Variants in SLC29A4 observed in about 807,000 individuals in gnomAD.
The protein encoded by SLC29A4 is solute carrier family 29 member 4.
Under a neutral mutation model 43.9 loss-of-function variants are expected in SLC29A4, and 36 were observed. The observed-to-expected ratio is 0.82, with a 90% confidence interval of 0.63 to 1.08. SLC29A4 has a LOEUF of 1.08. SLC29A4 is among the 50% of genes least tolerant of loss of function. The probability of loss-of-function intolerance (pLI) is 0.00; values close to 1 mark genes in which losing one functional copy is unlikely to be tolerated. For synonymous variants in SLC29A4, 491 were observed against 338.0 expected (o/e 1.45, Z -4.97); for missense variants, 869 against 755.3 (o/e 1.15, Z -1.77).
chr7:5,284,381 C>T (rs116664084), intron 1 of SLC29A4, among the ~76,000 whole-genome samples: 3,869 of 152,282 alleles, frequency 0.025, 194 homozygotes, highest in African/African-American at 0.088. Context: ...TTGTGACGTA[C>T]TCTCACCCTC....
chr7:5,302,512 C>T (rs1051782148), intron 10 of SLC29A4, among the ~76,000 whole-genome samples: 55 of 152,258 alleles, frequency 3.6e-4, no homozygotes, highest in African/African-American at 9.9e-4. Flanking sequence ...CACTGCACTC[C>T]GGTCTGGGCA....
rs751815292 is a variant in SLC29A4 at position 5,290,732 on chromosome 7, C to T, written c.170C>T (p.Thr57Ile). ...ARGVPAFTDTTLDEPVPDDRY... is the reference protein window; with the variant it reads ...ARGVPAFTDTILDEPVPDDRY... ...TCTCACCTGGTGTCTCTGGCTTTAG[C>T]ATTGGACGAGCCAGTGCCCGATGAC... The change falls in exon 3 of 11, where the codon ACA (threonine) becomes ATA (isoleucine). Residue 57 changes from threonine (T) to isoleucine (I), a missense_variant and splice_region_variant. Coordinates refer to ENST00000396872, the MANE Select transcript of SLC29A4 (RefSeq NM_153247.4). 1.7e-5 allele frequency: 27 copies of T among 1,607,854 alleles called. No homozygotes were observed. The highest frequency in any genetic ancestry group is 2.2e-5 in the Non-Finnish European group (26 of 1,175,684).
chr7:5,300,403 C>G lies in SLC29A4; in HGVS notation c.1210-19C>G, dbSNP rs780237509. On this transcript the variant is annotated intron_variant, in intron 9 of 10. Transcript: ENST00000396872. ...GGCTGTGGCCGGGACAGGGCGCCCA[C>G]TTGCCTGGCTCTCTGCAGATCCTGG... 4 of 1,610,714 alleles carry G rather than the reference C, an allele frequency of 2.5e-6. No homozygotes were observed. Among genetic ancestry groups the G allele is most frequent in the Non-Finnish European group, 2.5e-6 (3 of 1,179,624 alleles).
intron 5 of SLC29A4, among the ~76,000 whole-genome samples, chr7:5,294,107 A>G (rs979792431): frequency 1.4e-4 from 13 of 90,652 alleles, no homozygotes; most frequent in African/African-American, 2.0e-4. Flanking sequence ...CTCTATCTGG[A>G]AAAAAAAAAA....
intron 1 of SLC29A4, among the ~76,000 whole-genome samples, chr7:5,283,467 C>CTCCG (rs1460409100): frequency 1.3e-5 from 2 of 152,134 alleles, no homozygotes; most frequent in African/African-American, 4.8e-5. Flanking sequence ...GGGGCCTGGG[C>CTCCG]TCCGGGGTCA....
At chr7:5,289,351 C>T (rs1382671512) in intron 2 of SLC29A4, among the ~76,000 whole-genome samples, 5 of 152,018 alleles carry the variant, frequency 3.3e-5, no homozygotes, top group Admixed American at 6.6e-5. Flanking sequence ...GAGCCAAGGT[C>T]ATGCCACTGC....
At chr7:5,284,922 A>T (rs1171491873) in intron 1 of SLC29A4, among the ~76,000 whole-genome samples, 1 of 152,188 alleles carries the variant, frequency 6.6e-6, no homozygotes, top group Non-Finnish European at 1.5e-5. Context: ...AGGGCACTGC[A>T]CGTCCAGGGA....
chr7:5,292,260 G>A (rs1360244028), intron 5 of SLC29A4, among the ~76,000 whole-genome samples: 1 of 152,072 alleles, frequency 6.6e-6, no homozygotes, highest in African/African-American at 2.4e-5. Context: ...TCAGGCACAT[G>A]CCACCAAGCC....
Position 5,306,563 on chromosome 7 carries a change from ACTTCAAGTGATCCGCCTGCCTTGG to A in SLC29A4, c.*3626_*3649del, listed in dbSNP as rs1786519191. 1.3e-5 allele frequency: 2 copies of A among 151,690 alleles called. No homozygotes were observed. The highest frequency in any genetic ancestry group is 4.8e-5 in the African/African-American group (2 of 41,290). 9.4% of individuals were successfully genotyped at this position (151,690 alleles called of 1,614,324 possible). The stretch of plus-strand genomic sequence containing the variant: ...TGGCCAGGCTGGTCTCGAACTCCTG[ACTTCAAGTGATCCGCCTGCCTTGG>A]CCTCCCAAAGTGCTGGCATTACAGG... On this transcript the variant is annotated 3_prime_UTR_variant, in exon 11 of 11. Coordinates refer to ENST00000396872, the MANE Select transcript of SLC29A4 (RefSeq NM_153247.4).
intron 10 of SLC29A4, among the ~76,000 whole-genome samples, chr7:5,301,236 G>T (rs1414683686): frequency 6.6e-6 from 1 of 151,068 alleles, no homozygotes; most frequent in African/African-American, 2.4e-5. Flanking sequence ...CTCCAGCCTG[G>T]GTGACAGAGC....
Position 5,299,102 on chromosome 7 carries a change from C to CA in SLC29A4, c.998dup (p.Arg334AlafsTer44). 6.2e-7 allele frequency: 1 copy of CA among 1,610,482 alleles called. No individual in the cohort carries two copies. Among genetic ancestry groups the CA allele is most frequent in the Non-Finnish European group, 8.5e-7 (1 of 1,179,220 alleles). The stretch of plus-strand genomic sequence containing the variant: ...CTTTGATGTGCCGCGGCCAAGGGTC[C>CA]AGCGCAGCTGGCCCACCTTCAGAGG... On this transcript the variant is annotated frameshift_variant, in exon 8 of 11. Coordinates refer to ENST00000396872, the MANE Select transcript of SLC29A4 (RefSeq NM_153247.4). LOFTEE classifies it high-confidence loss of function.
At chr7:5,300,931 G>A (rs1371072412) in intron 10 of SLC29A4, among the ~76,000 whole-genome samples, 6 of 152,176 alleles carry the variant, frequency 3.9e-5, no homozygotes, top group Non-Finnish European at 7.3e-5. Flanking sequence ...ACAAAACGGC[G>A]CTCCCCGTGC....
chr7:5,305,544 A>G lies in SLC29A4; in HGVS notation c.*2605A>G, dbSNP rs1786440238. 6.9e-6 allele frequency: 1 copy of G among 145,638 alleles called. No homozygotes were observed. Among genetic ancestry groups the G allele is most frequent in the African/African-American group, 2.5e-5 (1 of 39,624 alleles). 9.0% of individuals were successfully genotyped at this position (145,638 alleles called of 1,614,324 possible). On this transcript the variant is annotated 3_prime_UTR_variant, in exon 11 of 11. Transcript: ENST00000396872. ...CATTTTGTGGTAGGCATGGCTGGAA[A>G]TGTGCAGCTTTGCTTTTTTTTTTTT...
At position 5,299,006 on chromosome 7, in the gene SLC29A4, C is replaced by T. The variant is rs140320575; in HGVS notation, c.901C>T (p.Leu301=). The T allele has an allele frequency of 3.7e-6, 6 of 1,610,434 alleles. No homozygotes were observed. Among genetic ancestry groups the T allele is most frequent in the African/African-American group, 2.7e-5 (2 of 74,904 alleles). ...DVHFEHPAPA[L]APNESPKDSP... ...CCTCCAGGAGCACCCAGCCCCGGCC[C>T]TGGCCCCCAACGAGTCCCCAAAGGA... Residue 301 remains leucine (L), a synonymous_variant, in exon 8 of 11, where the codon CTG becomes TTG. Transcript: ENST00000396872.
intron 2 of SLC29A4, 28 bp downstream of exon 2, chr7:5,288,013 G>A: frequency 1.3e-6 from 2 of 1,586,306 alleles, no homozygotes; most frequent in African/African-American, 1.4e-5. Context: ...CAAGGTGCGG[G>A]TCTTGCCCCA....
intron 1 of SLC29A4, among the ~76,000 whole-genome samples, chr7:5,286,544 A>AAAAAAG (rs1784964140): frequency 6.8e-6 from 1 of 147,020 alleles, no homozygotes; most frequent in African/African-American, 2.6e-5. Context: ...AGAAAAAAGA[A>AAAAAAG]AAAAATCATT....
chr7:5,297,226 CCTTCTCT>C (rs767443226), intron 7 of SLC29A4, 28 bp downstream of exon 7: 5 of 318,376 alleles, frequency 1.6e-5, no homozygotes, highest in Non-Finnish European at 1.9e-5. Flanking sequence ...ACCTCTGTTC[CCTTCTCT>C]GTCCCCTTCT....
rs772125955 is a variant in SLC29A4, at chr7:5,290,840, A to C, written c.278A>C (p.Asp93Ala). Residue 93 changes from aspartate (D) to alanine (A), a missense_variant, in exon 3 of 11, where the codon GAC (aspartate) becomes GCC (alanine). Coordinates refer to ENST00000396872, the MANE Select transcript of SLC29A4 (RefSeq NM_153247.4). Reference protein sequence around the residue: ...LPYNSFITDVDYLHHKYPGTS... With the variant: ...LPYNSFITDVAYLHHKYPGTS... ...TACAACAGCTTCATCACGGACGTGG[A>C]CTACCTGCATCACAAGTACCCAGGT... 5 of 1,613,216 alleles carry C rather than the reference A, an allele frequency of 3.1e-6. No individual in the cohort carries two copies. The highest frequency in any genetic ancestry group is 8.5e-7 in the Non-Finnish European group (1 of 1,179,782).
At chr7:5,291,584 A>C in intron 4 of SLC29A4, 109 bp from the exon 5 acceptor site, 1 of 1,417,852 alleles carries the variant, frequency 7.1e-7, no homozygotes. Context: ...CCCTCCTTAA[A>C]GGGGAAGGGC....
Sources: gnomAD v4.1 joint callset for allele counts (sites outside exome capture counted in the v4.1 genomes callset) on GRCh38, gnomAD v4.1.1 for gene constraint, MANE v1.5 for transcripts, NCBI Gene and HGNC (gene_info 2026-07-23, HGNC 2026-07-21) for gene names.